The following COL23A1 variants were observed in gnomAD, a reference collection of about 807,000 sequenced individuals.
COL23A1 encodes the protein collagen type XXIII alpha 1 chain, also known as collagen alpha-1(XXIII) chain.
In COL23A1, 97 loss-of-function variants were observed where a neutral mutation model predicts 99.3. The observed-to-expected ratio is 0.98, with a 90% CI of 0.83 to 1.16. COL23A1 has a LOEUF of 1.16. Ranked by LOEUF, COL23A1 falls within the 50% of genes most tolerant of loss-of-function variation. The pLI, the probability that COL23A1 is intolerant of heterozygous loss-of-function variation, is 0.00. For missense variants in COL23A1, 762 were observed against 757.4 expected (o/e 1.01, Z -0.07); for synonymous variants, 320 against 308.2 (o/e 1.04, Z -0.40).
chr5:178,513,521 G>A (rs1759331103), intron 2 of COL23A1, among the ~76,000 whole-genome samples: 1 of 152,160 alleles, frequency 6.6e-6, no homozygotes, highest in Non-Finnish European at 1.5e-5. Context: ...TCAAGGTGTA[G>A]GCAGGCTATG....
chr5:178,256,610 A>G (rs1765313758), intron 14 of COL23A1, among the ~76,000 whole-genome samples: 1 of 152,182 alleles, frequency 6.6e-6, no homozygotes, highest in Non-Finnish European at 1.5e-5. Flanking sequence ...AGAGATGGGG[A>G]CGCTGGTGTC....
At position 178,292,421 on chromosome 5, in the gene COL23A1, C is replaced by T. The variant is rs544287349; in HGVS notation, c.407-2052G>A. 2.0e-5 allele frequency among the ~76,000 whole-genome samples: 3 copies of T among 152,312 alleles called. No individual in the cohort carries two copies. The East Asian group carries it at 5.8e-4, about 29-fold the overall frequency. On this transcript the variant is annotated intron_variant, in intron 3 of 28. Transcript: ENST00000390654. Reference sequence around the variant, plus strand: ...AGCTCTGAAACATGCTCTAATTCCTCGGCTGGCAAAGCCATCCCTTGATCA... The same window carrying T: ...AGCTCTGAAACATGCTCTAATTCCTTGGCTGGCAAAGCCATCCCTTGATCA...
chr5:178,467,180 A>C (rs1756468401), intron 2 of COL23A1, among the ~76,000 whole-genome samples: 1 of 152,202 alleles, frequency 6.6e-6, no homozygotes, highest in African/African-American at 2.4e-5. Context: ...GAGCTAGCTC[A>C]GTATTCTTTT....
At chr5:178,372,698 G>A (rs193023914) in intron 2 of COL23A1, among the ~76,000 whole-genome samples, 155 of 151,886 alleles carry the variant, frequency 1.0e-3, no homozygotes, top group African/African-American at 3.4e-3. Flanking sequence ...TCAGCCTCCC[G>A]TGTAGCTGGG....
rs528696677 is a variant in COL23A1 at position 178,269,283 on chromosome 5, T to C, written c.469-527A>G. On this transcript the variant is annotated intron_variant, in intron 6 of 28. Transcript: ENST00000390654. ...TGGGTTCCATCTGTCCATCCCTGTA[T>C]GAGTCATCCATCCATCCATCCATCC... Among the ~76,000 whole-genome samples the C allele has an allele frequency of 6.0e-5, 9 of 150,084 alleles. No homozygotes were observed. The East Asian group carries it at 1.8e-3, about 29-fold the overall frequency.
intron 2 of COL23A1, among the ~76,000 whole-genome samples, chr5:178,348,067 G>A (rs186576655): frequency 2.6e-5 from 4 of 151,808 alleles, no homozygotes; most frequent in African/African-American, 4.8e-5. Flanking sequence ...AGTGCCCCTC[G>A]GGGTCTCGCA....
At chr5:178,577,057 C>A (rs1318449162) in intron 1 of COL23A1, among the ~76,000 whole-genome samples, 1 of 152,128 alleles carries the variant, frequency 6.6e-6, no homozygotes, top group Non-Finnish European at 1.5e-5. Context: ...GGACTCCCCG[C>A]CGGGGTCCTC....
intron 22 of COL23A1, 27 bp from the exon 23 acceptor site, chr5:178,246,480 A>C (rs1455702990): frequency 6.4e-7 from 1 of 1,552,922 alleles, no homozygotes; most frequent in South Asian, 1.2e-5. Flanking sequence ...GAAATCAGTC[A>C]AGGGGAAGGG....
Position 178,522,094 on chromosome 5 carries a change from G to A in COL23A1, c.361+38588C>T, listed in dbSNP as rs1210628380. Among the ~76,000 whole-genome samples, 6 of 152,156 alleles carry A rather than the reference G, an allele frequency of 3.9e-5. No homozygotes were observed. The East Asian group carries it at 9.6e-4, about 24-fold the overall frequency. On this transcript the variant is annotated intron_variant, in intron 2 of 28. Coordinates refer to ENST00000390654, the MANE Select transcript of COL23A1 (RefSeq NM_173465.4). The stretch of plus-strand genomic sequence containing the variant: ...TCTTAGCAAAGGAAGGATTCTTCCA[G>A]TCTGTCTAAAAAAAGAAAGAACTTT...
Position 178,444,714 on chromosome 5 carries a change from T to C in COL23A1, c.361+115968A>G, listed in dbSNP as rs565174510. On this transcript the variant is annotated intron_variant, in intron 2 of 28. Transcript: ENST00000390654. The stretch of plus-strand genomic sequence containing the variant: ...AGGAGGCTGAGGCAGGAGAATTGCT[T>C]GAACCTGAGAGGTAGAGGTTGCAGT... 3.3e-5 allele frequency among the ~76,000 whole-genome samples: 5 copies of C among 152,308 alleles called. No homozygotes were observed. In the East Asian group the frequency reaches 9.6e-4, roughly 29 times the overall value.
At chr5:178,545,908 A>G (rs960795568) in intron 2 of COL23A1, among the ~76,000 whole-genome samples, 11 of 152,178 alleles carry the variant, frequency 7.2e-5, no homozygotes, top group African/African-American at 2.2e-4. Context: ...ACAAACCCAT[A>G]GGGTACATCG....
In COL23A1 at chr5:178,250,419, G is replaced by A. The variant is rs547551053; in HGVS notation, c.1015-314C>T. ...AGATCTGCCTGACTTCAAAGTTGTT[G>A]GCTCTTTCTCTTGAGATAAATGGGC... On this transcript the variant is annotated intron_variant, in intron 17 of 28. Transcript: ENST00000390654. Among the ~76,000 whole-genome samples, 21 of 152,334 alleles carry A rather than the reference G, an allele frequency of 1.4e-4. No homozygotes were observed. The East Asian group carries it at 3.5e-3, about 25-fold the overall frequency.
At chr5:178,491,143 T>G (rs185128823) in intron 2 of COL23A1, among the ~76,000 whole-genome samples, 2 of 143,246 alleles carry the variant, frequency 1.4e-5, no homozygotes, top group African/African-American at 2.6e-5. Context: ...GACAAAGAGA[T>G]AGGAGGAGAA....
intron 2 of COL23A1, among the ~76,000 whole-genome samples, chr5:178,478,892 C>T (rs575624648): frequency 9.2e-5 from 14 of 152,276 alleles, no homozygotes; most frequent in South Asian, 6.2e-4. Context: ...GAAAGGCATG[C>T]GGCACAGACT....
At chr5:178,286,917 T>C (rs1389843373) in intron 5 of COL23A1, among the ~76,000 whole-genome samples, 1 of 152,108 alleles carries the variant, frequency 6.6e-6, no homozygotes, top group African/African-American at 2.4e-5. Flanking sequence ...CCCCACCCTC[T>C]CCCCTCTGGA....
intron 2 of COL23A1, among the ~76,000 whole-genome samples, chr5:178,371,328 C>T (rs868823902): frequency 6.6e-6 from 1 of 152,194 alleles, no homozygotes; most frequent in Non-Finnish European, 1.5e-5. Flanking sequence ...GGGTGAGAGG[C>T]TGTGTGCACT....
chr5:178,482,379 G>T (rs1217874148), intron 2 of COL23A1, among the ~76,000 whole-genome samples: 2 of 152,242 alleles, frequency 1.3e-5, no homozygotes, highest in East Asian at 3.9e-4. Flanking sequence ...GATATTTTAT[G>T]ATTCCTTTTA....
In COL23A1 at chr5:178,307,291, A is replaced by G. The variant is rs952063113; in HGVS notation, c.362-372T>C. The stretch of plus-strand genomic sequence containing the variant: ...AAACTTCAGACTTAGGAGGAAAGTA[A>G]GGGTGGGTTATCTTAGGAAAGCCCT... On this transcript the variant is annotated intron_variant, in intron 2 of 28. Coordinates refer to ENST00000390654, the MANE Select transcript of COL23A1 (RefSeq NM_173465.4). The surrounding 1 kb of genome is among the most constrained non-coding windows in gnomAD (Gnocchi z 4.2). 2.0e-5 allele frequency among the ~76,000 whole-genome samples: 3 copies of G among 152,236 alleles called. No homozygotes were observed. The highest frequency in any genetic ancestry group is 3.2e-3 in the Middle Eastern group (1 of 316).
chr5:178,492,910 C>T (rs952820343), intron 2 of COL23A1, among the ~76,000 whole-genome samples: 2 of 152,214 alleles, frequency 1.3e-5, no homozygotes, highest in Admixed American at 6.5e-5. Flanking sequence ...CCGTGAAATG[C>T]GGGTAATGAC....
Sources: allele counts gnomAD v4.1 joint callset (sites outside exome capture counted in the v4.1 genomes callset), GRCh38; gene constraint gnomAD v4.1.1; non-coding constraint Gnocchi (gnomAD v3.1); transcripts MANE v1.5; gene names NCBI Gene and HGNC (gene_info 2026-07-23, HGNC 2026-07-21).